Variants in DNAH14 observed in about 807,000 individuals in gnomAD.
The protein encoded by DNAH14 is dynein axonemal heavy chain 14, also known as axonemal beta dynein heavy chain 14.
DNAH14 carries 478 observed loss-of-function variants against 520.9 expected under a neutral mutation model. The ratio of observed to expected loss-of-function variants is 0.92; its 90% CI spans 0.85 to 0.99. The LOEUF (loss-of-function observed/expected upper bound fraction) is 0.99, where lower values mean the gene tolerates loss of function less well. Among genes scored for constraint, DNAH14 ranks in the 50% least tolerant of loss-of-function variants. The pLI, the probability that DNAH14 is intolerant of heterozygous loss-of-function variation, is 0.00. For synonymous variants in DNAH14, 1,581 were observed against 1,757.2 expected (o/e 0.90, Z 2.51); for missense variants, 4,831 against 5,234.5 (o/e 0.92, Z 2.38).
intron 84 of DNAH14, among the ~76,000 whole-genome samples, chr1:225,394,769 G>C (rs1404828497): frequency 2.0e-5 from 3 of 151,756 alleles, no homozygotes; most frequent in Non-Finnish European, 2.9e-5. Context: ...GCTTGAACTT[G>C]GGAGGCAGAG....
intron 21 of DNAH14, among the ~76,000 whole-genome samples, chr1:225,093,349 A>T (rs1375465743): frequency 6.6e-6 from 1 of 152,212 alleles, no homozygotes; most frequent in Non-Finnish European, 1.5e-5. Context: ...AATAAATGGG[A>T]TTCATTACAT....
At chr1:225,128,034 G>A (rs2077947444) in intron 27 of DNAH14, among the ~76,000 whole-genome samples, 1 of 152,028 alleles carries the variant, frequency 6.6e-6, no homozygotes, top group Non-Finnish European at 1.5e-5. Context: ...TTGAATATTG[G>A]CCCCCACTCT....
chr1:225,083,680 T>G (rs1385790026), intron 20 of DNAH14, among the ~76,000 whole-genome samples: 2 of 152,178 alleles, frequency 1.3e-5, no homozygotes, highest in Non-Finnish European at 1.5e-5. Flanking sequence ...ATTCTGAATC[T>G]TCTCTTTCAT....
intron 52 of DNAH14, among the ~76,000 whole-genome samples, chr1:225,274,108 A>C (rs1427275206): frequency 1.3e-5 from 2 of 151,364 alleles, no homozygotes; most frequent in Non-Finnish European, 2.9e-5. Context: ...GAATCACCAC[A>C]CTGTCTTCCA....
intron 10 of DNAH14, among the ~76,000 whole-genome samples, chr1:225,019,101 C>T (rs946649324): frequency 2.0e-5 from 3 of 152,130 alleles, no homozygotes; most frequent in African/African-American, 7.2e-5. Context: ...GGGCTAAATG[C>T]CCCACTTTAA....
At chr1:224,972,863 A>G (rs2061583851) in intron 7 of DNAH14, among the ~76,000 whole-genome samples, 1 of 152,220 alleles carries the variant, frequency 6.6e-6, no homozygotes, top group Admixed American at 6.5e-5. Context: ...AGTGTTAACA[A>G]CTTAAGCTGG....
intron 17 of DNAH14, among the ~76,000 whole-genome samples, chr1:225,066,648 C>G (rs1180934323): frequency 4.0e-5 from 6 of 151,876 alleles, no homozygotes; most frequent in African/African-American, 1.5e-4. Context: ...CTCACACCCC[C>G]CTCCCACCCT....
At chr1:224,946,400 C>T (rs2059831714) in intron 1 of DNAH14, among the ~76,000 whole-genome samples, 1 of 152,140 alleles carries the variant, frequency 6.6e-6, no homozygotes, top group South Asian at 2.1e-4. Context: ...TCACCCCTTT[C>T]TTTGACTAGG....
Position 225,147,237 on chromosome 1 carries a change from A to G in DNAH14, c.4928A>G (p.Asn1643Ser), listed in dbSNP as rs149056614. 2 of 1,545,592 alleles carry G rather than the reference A, an allele frequency of 1.3e-6. No individual in the cohort carries two copies. Among genetic ancestry groups the G allele is most frequent in the East Asian group, 2.4e-5 (1 of 40,846 alleles). The part of the protein sequence containing the change: ...QILTIKAAKD[N>S]YSARFVLEGK... The stretch of plus-strand genomic sequence containing the variant: ...CTAACAATTAAGGCTGCAAAAGACA[A>G]CTATTCTGCCAGGTATTTGTCGAAT... The change falls in exon 31 of 86, where the codon AAC becomes AGC. Residue 1643 changes from asparagine (N) to serine (S), a missense_variant. Physicochemically the swap from Asn to Ser is conservative, Grantham distance 46. Transcript: ENST00000682510.
intron 1 of DNAH14, 32 bp from the exon 2 acceptor site, chr1:224,952,638 T>TATTAA: frequency 8.3e-7 from 1 of 1,209,270 alleles, no homozygotes; most frequent in South Asian, 1.6e-5. Context: ...TTGTATTGTA[T>TATTAA]ATTAAATATA....
chr1:224,968,146 G>T (rs2061303644), intron 6 of DNAH14, among the ~76,000 whole-genome samples: 1 of 152,052 alleles, frequency 6.6e-6, no homozygotes, highest in African/African-American at 2.4e-5. Flanking sequence ...TGCAAATAAA[G>T]AAATATCTCT....
At chr1:225,109,253 T>A (rs1286073020) in intron 23 of DNAH14, among the ~76,000 whole-genome samples, 4 of 152,182 alleles carry the variant, frequency 2.6e-5, no homozygotes, top group African/African-American at 9.7e-5. Context: ...CTGTGAAGAA[T>A]GTCATTGGTA....
chr1:224,977,314 A>G (rs962154746), intron 8 of DNAH14, among the ~76,000 whole-genome samples: 13 of 129,532 alleles, frequency 1.0e-4, no homozygotes, highest in Non-Finnish European at 6.4e-5. Flanking sequence ...AGGAAGGGGA[A>G]CATCACACTC....
intron 38 of DNAH14, among the ~76,000 whole-genome samples, chr1:225,196,962 A>G (rs1559258466): frequency 6.6e-6 from 1 of 152,216 alleles, no homozygotes; most frequent in South Asian, 2.1e-4. Context: ...CATCAAATGT[A>G]TAGATTGTGA....
At chr1:224,987,027 A>T (rs2125728387) in intron 8 of DNAH14, among the ~76,000 whole-genome samples, 2 of 152,338 alleles carry the variant, frequency 1.3e-5, no homozygotes, top group Middle Eastern at 6.8e-3. Flanking sequence ...GTATTTCTAT[A>T]TGCCAACAGC....
intron 52 of DNAH14, among the ~76,000 whole-genome samples, chr1:225,273,425 C>CGA (rs2093369814): frequency 6.6e-6 from 1 of 152,202 alleles, no homozygotes; most frequent in African/African-American, 2.4e-5. Flanking sequence ...GGCGACAGAG[C>CGA]GAGACTCCGT....
chr1:225,387,048 T>C, intron 81 of DNAH14, among the ~76,000 whole-genome samples: 1 of 152,290 alleles, frequency 6.6e-6, no homozygotes, highest in East Asian at 1.9e-4. Context: ...CATGGAATAC[T>C]ATGCAGCCAT....
chr1:225,248,201 T>C (rs1201887093), intron 43 of DNAH14, among the ~76,000 whole-genome samples: 1 of 152,096 alleles, frequency 6.6e-6, no homozygotes, highest in African/African-American at 2.4e-5. Context: ...CAAACACCTG[T>C]AACTCATGTA....
At chr1:225,118,197 G>A (rs2077016372) in intron 25 of DNAH14, 198 bp downstream of exon 25, 2 of 603,994 alleles carry the variant, frequency 3.3e-6, no homozygotes, top group African/African-American at 3.7e-5. Flanking sequence ...TAAAAGTTGA[G>A]AAAGCAGTCT....
Sources: allele counts gnomAD v4.1 joint callset (sites outside exome capture counted in the v4.1 genomes callset), GRCh38; gene constraint gnomAD v4.1.1; transcripts MANE v1.5; gene names NCBI Gene and HGNC (gene_info 2026-07-23, HGNC 2026-07-21).